LHFPL3: variants seen among roughly 807,000 people sequenced by gnomAD.
The protein encoded by LHFPL3 is LHFPL tetraspan subfamily member 3.
In LHFPL3, 5 loss-of-function variants were observed where a neutral mutation model predicts 19.3. The ratio of observed to expected loss-of-function variants is 0.26; its 90% CI spans 0.14 to 0.54. The LOEUF (loss-of-function observed/expected upper bound fraction) is 0.54. Ranked by LOEUF, LHFPL3 falls within the 20% of genes least tolerant of loss-of-function variation. The pLI is 0.94. For missense variants in LHFPL3, 249 were observed against 307.4 expected (o/e 0.81, Z 1.42); for synonymous variants, 133 against 126.2 (o/e 1.05, Z -0.36).
At chr7:104,506,320 G>T (rs1043309795) in intron 1 of LHFPL3, among the ~76,000 whole-genome samples, 1 of 149,640 alleles carries the variant, frequency 6.7e-6, no homozygotes, top group Non-Finnish European at 1.5e-5. Context: ...TTATTCCATC[G>T]CTGAACTCCT....
chr7:104,419,907 G>A (rs140975761), intron 1 of LHFPL3, among the ~76,000 whole-genome samples: 1 of 152,066 alleles, frequency 6.6e-6, no homozygotes, highest in Non-Finnish European at 1.5e-5. Flanking sequence ...GAAGTATCCC[G>A]GTTCTATCCT....
chr7:104,666,544 C>T (rs1365357444), intron 1 of LHFPL3, among the ~76,000 whole-genome samples: 2 of 11,916 alleles, frequency 1.7e-4, no homozygotes, highest in African/African-American at 2.2e-4. Flanking sequence ...TTTTTTGAGA[C>T]GGAGTCTCGC....
At chr7:104,546,152 A>G (rs1794575472) in intron 1 of LHFPL3, among the ~76,000 whole-genome samples, 1 of 152,214 alleles carries the variant, frequency 6.6e-6, no homozygotes, top group Non-Finnish European at 1.5e-5. Flanking sequence ...AGTTTAACTA[A>G]CTTTCTGACA....
intron 1 of LHFPL3, among the ~76,000 whole-genome samples, chr7:104,424,771 C>T (rs183357933): frequency 1.3e-5 from 2 of 151,966 alleles, no homozygotes; most frequent in Non-Finnish European, 2.9e-5. Context: ...GCAGGCAGAT[C>T]ACGAGGTCAG....
At chr7:104,824,264 T>A (rs867718270) in intron 2 of LHFPL3, among the ~76,000 whole-genome samples, 17 of 14,070 alleles carry the variant, frequency 1.2e-3, no homozygotes, top group Non-Finnish European at 1.5e-3. Context: ...ATTATATATA[T>A]TATATATTAT....
intron 1 of LHFPL3, among the ~76,000 whole-genome samples, chr7:104,724,070 C>T (rs1793543860): frequency 6.6e-6 from 1 of 152,182 alleles, no homozygotes; most frequent in South Asian, 2.1e-4. Context: ...CTTTCGTTGA[C>T]TGAGGCATTA....
chr7:104,649,099 T>A (rs759518713), intron 1 of LHFPL3, among the ~76,000 whole-genome samples: 12 of 151,824 alleles, frequency 7.9e-5, no homozygotes, highest in Non-Finnish European at 1.5e-4. Flanking sequence ...GATCCAGGAG[T>A]TGAGAGAGGG....
At chr7:104,668,776 T>G (rs1278748062) in intron 1 of LHFPL3, 4 of 1,544,094 alleles carry the variant, frequency 2.6e-6, no homozygotes, top group Non-Finnish European at 3.5e-6. Context: ...CTAAGGAAGA[T>G]GATTCCTCTG....
At position 104,458,852 on chromosome 7, in the gene LHFPL3, G is replaced by T. The variant is rs536721091; in HGVS notation, c.445+129628G>T. Among the ~76,000 whole-genome samples, 133 of 152,272 alleles carry T rather than the reference G, an allele frequency of 8.7e-4. 1 individual carries two copies. Among genetic ancestry groups the T allele is most frequent in the African/African-American group, 3.0e-3 (126 of 41,540 alleles). On this transcript the variant is annotated intron_variant, in intron 1 of 2. Transcript: ENST00000424859. ...CTGTTGTCAGCTGGCTTTCCATTAG[G>T]TTCTGCTAATAGGAGACATTGTTCC... is the stretch of plus-strand genomic sequence containing the variant.
intron 1 of LHFPL3, among the ~76,000 whole-genome samples, chr7:104,579,592 G>C (rs2116016401): frequency 6.6e-6 from 1 of 152,280 alleles, no homozygotes; most frequent in South Asian, 2.1e-4. Context: ...TAAAGGCCCA[G>C]ATAAATTGGC....
In LHFPL3 at chr7:104,591,278, T is replaced by C. The variant is rs187669676; in HGVS notation, c.446-145397T>C. ...AGTTGTTCCTTTCCATGTTTAGTGC[T>C]TCCTTCATGAGCTCTTGTAAGGCAG... is the stretch of plus-strand genomic sequence containing the variant. On this transcript the variant is annotated intron_variant, in intron 1 of 2. Transcript: ENST00000424859. 1.8e-4 allele frequency among the ~76,000 whole-genome samples: 28 copies of C among 152,326 alleles called. No homozygotes were observed. In the East Asian group the frequency reaches 5.0e-3, roughly 27 times the overall value.
intron 2 of LHFPL3, among the ~76,000 whole-genome samples, chr7:104,814,915 G>A (rs776287930): frequency 1.4e-4 from 21 of 152,208 alleles, no homozygotes; most frequent in Non-Finnish European, 2.6e-4. Context: ...AAGCCTGCAA[G>A]GGCAGGGGTG....
intron 1 of LHFPL3, among the ~76,000 whole-genome samples, chr7:104,691,650 C>T (rs947248706): frequency 6.6e-6 from 1 of 152,208 alleles, no homozygotes; most frequent in Non-Finnish European, 1.5e-5. Context: ...TGAAGAAGCA[C>T]AATTGGAAAA....
chr7:104,830,512 A>C (rs933910376), intron 2 of LHFPL3, among the ~76,000 whole-genome samples: 1 of 151,770 alleles, frequency 6.6e-6, no homozygotes, highest in African/African-American at 2.4e-5. Context: ...TTTTTGTATA[A>C]GGTGTAAGGA....
intron 2 of LHFPL3, among the ~76,000 whole-genome samples, chr7:104,814,456 C>T (rs1790527692): frequency 6.6e-6 from 1 of 152,098 alleles, no homozygotes; most frequent in African/African-American, 2.4e-5. Flanking sequence ...TTAAGGGCCT[C>T]AAAGGGGAAG....
intron 1 of LHFPL3, among the ~76,000 whole-genome samples, chr7:104,731,301 G>A (rs7385021): frequency 0.39 from 44,970 of 115,100 alleles, 7,364 homozygotes; most frequent in East Asian, 0.7. Context: ...TTGAATCTAC[G>A]AATTACCTTG....
chr7:104,706,544 C>G (rs190614856), intron 1 of LHFPL3, among the ~76,000 whole-genome samples: 1 of 152,278 alleles, frequency 6.6e-6, no homozygotes, highest in African/African-American at 2.4e-5. Flanking sequence ...TGAGGCAGAG[C>G]CAAAATTTAA....
chr7:104,329,272 G>A (rs756120047), intron 1 of LHFPL3, 48 bp downstream of exon 1: 27 of 1,544,510 alleles, frequency 1.7e-5, no homozygotes, highest in Non-Finnish European at 2.1e-5. Flanking sequence ...CGGGGCGCCC[G>A]AGCCGGGGAG....
chr7:104,502,015 T>C (rs1352561290), intron 1 of LHFPL3, among the ~76,000 whole-genome samples: 1 of 152,198 alleles, frequency 6.6e-6, no homozygotes, highest in Non-Finnish European at 1.5e-5. Flanking sequence ...TGTAAATGCA[T>C]TTGGACAATG....
Sources: allele counts gnomAD v4.1 joint callset (sites outside exome capture counted in the v4.1 genomes callset), GRCh38; gene constraint gnomAD v4.1.1; transcripts MANE v1.5; gene names NCBI Gene and HGNC (gene_info 2026-07-23, HGNC 2026-07-21).